Variants in MRPL44 observed in about 807,000 individuals in gnomAD.
MRPL44 encodes mitochondrial ribosomal protein L44, also known as large ribosomal subunit protein mL44.
Under a neutral mutation model 25.9 loss-of-function variants are expected in MRPL44, and 21 were observed. The observed-to-expected ratio is 0.81, with a 90% confidence interval of 0.58 to 1.17. The LOEUF (loss-of-function observed/expected upper bound fraction) is 1.17, where lower values mean the gene tolerates loss of function less well. MRPL44 is among the 50% of genes most tolerant of loss of function. MRPL44 has a pLI of 0.00. For missense variants in MRPL44, 410 were observed against 398.9 expected (o/e 1.03, Z -0.24); for synonymous variants, 169 against 151.0 (o/e 1.12, Z -0.87).
chr2:223,966,817 T>G, intron 3 of MRPL44, 46 bp from the exon 4 acceptor site: 1 of 1,570,786 alleles, frequency 6.4e-7, no homozygotes, highest in Non-Finnish European at 8.7e-7. Flanking sequence ...TGTACTGTCT[T>G]ACAATATTCC....
At chr2:223,964,350 G>A (rs1574796312) in intron 3 of MRPL44, among the ~76,000 whole-genome samples, 1 of 152,166 alleles carries the variant, frequency 6.6e-6, no homozygotes, top group Non-Finnish European at 1.5e-5. Flanking sequence ...CCATCAAAAT[G>A]TGTAAATCAA....
chr2:223,956,292 G>A (rs540795392), upstream of MRPL44, among the ~76,000 whole-genome samples: 1 of 152,176 alleles, frequency 6.6e-6, no homozygotes, highest in East Asian at 1.9e-4. Context: ...CTCCCCAAAG[G>A]GAACCCTTTT....
chr2:223,952,286 C>T, the MRPL44 span, among the ~76,000 whole-genome samples: 3 of 152,304 alleles, frequency 2.0e-5, no homozygotes, highest in East Asian at 5.8e-4. Context: ...TTCTCTGTGG[C>T]TCCAGTCCCC....
chr2:223,961,062 T>C (rs6719605), intron 2 of MRPL44, among the ~76,000 whole-genome samples: 5,072 of 152,306 alleles, frequency 0.033, 171 homozygotes, highest in East Asian at 0.16. Context: ...ATCCACTTAA[T>C]GTTGAGTGCC....
chr2:223,955,081 AT>A (rs1424303339), upstream of MRPL44, among the ~76,000 whole-genome samples: 3 of 152,178 alleles, frequency 2.0e-5, no homozygotes, highest in African/African-American at 4.8e-5. Context: ...ATTTTCATGA[AT>A]TTTTTTCCAC....
chr2:223,963,699 A>G, intron 2 of MRPL44, 57 bp from the exon 3 acceptor site: 1 of 1,095,218 alleles, frequency 9.1e-7, no homozygotes, highest in Non-Finnish European at 1.2e-6. Context: ...TGTATTTTGA[A>G]TTGTCCTAAT....
chr2:223,965,886 A>G (rs1271504804), intron 3 of MRPL44: 1 of 147,870 alleles, frequency 6.8e-6, no homozygotes, highest in East Asian at 2.0e-4. Context: ...TTTTTTTTTC[A>G]GAGGTCTCAC....
upstream of MRPL44, among the ~76,000 whole-genome samples, chr2:223,953,268 G>C (rs192518837): frequency 6.6e-6 from 1 of 151,770 alleles, no homozygotes; most frequent in Non-Finnish European, 1.5e-5. Flanking sequence ...TCGAGTAGCT[G>C]GGACTACAGG....
chr2:223,958,809 G>C (rs1400087083), intron 1 of MRPL44, among the ~76,000 whole-genome samples: 1 of 152,138 alleles, frequency 6.6e-6, no homozygotes, highest in Admixed American at 6.5e-5. Flanking sequence ...GTTTCCCAGT[G>C]TATACCTAAG....
intron 1 of MRPL44, 82 bp downstream of exon 1, chr2:223,957,733 G>C: frequency 1.4e-6 from 2 of 1,444,070 alleles, no homozygotes; most frequent in East Asian, 2.4e-5. Context: ...GTCTGCGGCT[G>C]ATGCGCCCCT....
At chr2:223,951,479 T>TTTTTTTTTGTTTTGTTTTG in the MRPL44 span, among the ~76,000 whole-genome samples, 139 of 71,174 alleles carry the variant, frequency 2.0e-3, 4 homozygotes, top group African/African-American at 8.8e-3. Flanking sequence ...TACCTTGGAG[T>TTTTTTTTTGTTTTGTTTTG]TTTTTTTTTT....
At chr2:223,956,982 C>T (rs1200575287), upstream of MRPL44, among the ~76,000 whole-genome samples, 7 of 152,040 alleles carry the variant, frequency 4.6e-5, no homozygotes, top group Non-Finnish European at 1.0e-4. Flanking sequence ...CTAGGGTTTC[C>T]AAAACTAAGG....
At chr2:223,957,270 C>T (rs1574792579), upstream of MRPL44, 7 of 625,118 alleles carry the variant, frequency 1.1e-5, no homozygotes, top group South Asian at 3.8e-5. Flanking sequence ...AGAGAACTAG[C>T]GCAAGCGTAG....
intron 2 of MRPL44, among the ~76,000 whole-genome samples, chr2:223,962,883 G>T (rs551982716): frequency 1.2e-4 from 18 of 152,014 alleles, no homozygotes; most frequent in African/African-American, 4.1e-4. Context: ...TGTATTTTTA[G>T]TAGTGACAGG....
Position 223,963,908 on chromosome 2 carries a change from G to A in MRPL44, c.801G>A (p.Leu267=), listed in dbSNP as rs775681684. ...LTRQSGGTTA[L]PLYFVGLYCD... ...GGCAGTCTGGTGGCACCACAGCTTT[G>A]CCTTTGTATTTTGTTGGCTTATACT... The change falls in exon 3 of 4, where the codon TTG becomes TTA. Residue 267 remains leucine (L), a synonymous_variant. Transcript: ENST00000258383. The A allele has an allele frequency of 3.7e-6, 6 of 1,612,910 alleles. No individual in the cohort carries two copies. In the East Asian group the frequency reaches 1.3e-4, roughly 36 times the overall value.
At chr2:223,953,200 T>C (rs1011516957), upstream of MRPL44, among the ~76,000 whole-genome samples, 1 of 151,576 alleles carries the variant, frequency 6.6e-6, no homozygotes, top group Admixed American at 6.6e-5. Flanking sequence ...AGTGGTGCTA[T>C]CTTGGCTCAC....
intron 1 of MRPL44, among the ~76,000 whole-genome samples, chr2:223,958,657 G>A (rs1386566599): frequency 6.6e-6 from 1 of 152,080 alleles, no homozygotes; most frequent in Non-Finnish European, 1.5e-5. Context: ...GTTTTATATT[G>A]TGTTACGTAT....
chr2:223,965,307 CATAACAGATGTTTTTT>C (rs1285063344), intron 3 of MRPL44, among the ~76,000 whole-genome samples: 8 of 152,240 alleles, frequency 5.3e-5, no homozygotes. Flanking sequence ...CAATTATTGT[CATAACAGATGTTTTTT>C]AGCAAATTTA....
At chr2:223,965,788 A>G (rs969329410) in intron 3 of MRPL44, 1 of 152,222 alleles carries the variant, frequency 6.6e-6, no homozygotes, top group African/African-American at 2.4e-5. Context: ...GATTAGAAAT[A>G]TATAAAATGA....
Sources: allele counts gnomAD v4.1 joint callset (sites outside exome capture counted in the v4.1 genomes callset), GRCh38; gene constraint gnomAD v4.1.1; transcripts MANE v1.5; gene names NCBI Gene and HGNC (gene_info 2026-07-23, HGNC 2026-07-21).